Variants in GRM7 observed in about 807,000 individuals in gnomAD.
The protein encoded by GRM7 is metabotropic glutamate receptor 7.
A neutral mutation model predicts 84.5 loss-of-function variants in GRM7; 35 were observed. The ratio of observed to expected loss-of-function variants is 0.41; its 90% CI spans 0.32 to 0.55. The LOEUF (loss-of-function observed/expected upper bound fraction) is 0.55. GRM7 is among the 20% of genes least tolerant of loss of function. The pLI, the probability that GRM7 is intolerant of heterozygous loss-of-function variation, is 0.19. For synonymous variants in GRM7, 487 were observed against 455.1 expected, an observed-to-expected ratio of 1.07 and a Z score of -0.89; for missense variants, 1,003 against 1,194.6, an observed-to-expected ratio of 0.84 and a Z score of 2.36.
At chr3:7,170,829 C>A (rs538166434) in intron 2 of GRM7, among the ~76,000 whole-genome samples, 2 of 152,152 alleles carry the variant, frequency 1.3e-5, no homozygotes, top group Non-Finnish European at 2.9e-5. Flanking sequence ...CTACATGATT[C>A]TGTATGACCT....
chr3:7,283,075 A>C (rs552221600), intron 2 of GRM7, among the ~76,000 whole-genome samples: 1 of 152,028 alleles, frequency 6.6e-6, no homozygotes, highest in Non-Finnish European at 1.5e-5. Flanking sequence ...TCTTGAGTCT[A>C]CTGCTTGCTA....
intron 1 of GRM7, among the ~76,000 whole-genome samples, chr3:6,875,909 T>C (rs1446016643): frequency 6.6e-6 from 1 of 152,166 alleles, no homozygotes; most frequent in Non-Finnish European, 1.5e-5. Context: ...TAAAAGGGTT[T>C]AATCTCAATT....
intron 1 of GRM7, among the ~76,000 whole-genome samples, chr3:6,923,441 T>C (rs550796837): frequency 6.6e-6 from 1 of 152,350 alleles, no homozygotes; most frequent in East Asian, 1.9e-4. Context: ...ATTTGATTTA[T>C]GCATAAACTC....
chr3:6,895,367 C>A (rs1468005102), intron 1 of GRM7, among the ~76,000 whole-genome samples: 1 of 152,134 alleles, frequency 6.6e-6, no homozygotes, highest in African/African-American at 2.4e-5. Flanking sequence ...GAACAGGGAA[C>A]AAACAATACG....
intron 9 of GRM7, among the ~76,000 whole-genome samples, chr3:7,717,259 C>G (rs1701797148): frequency 6.6e-6 from 1 of 151,856 alleles, no homozygotes; most frequent in African/African-American, 2.4e-5. Flanking sequence ...AAAAGACTTC[C>G]AAAACTTACT....
At chr3:7,607,899 G>C (rs1444434148) in intron 8 of GRM7, 1 of 166,170 alleles carries the variant, frequency 6.0e-6, no homozygotes, top group East Asian at 1.8e-4. Context: ...CCTCCCCCAA[G>C]TAGGCCCCAG....
At chr3:7,601,472 A>T (rs1696310217) in intron 8 of GRM7, among the ~76,000 whole-genome samples, 1 of 152,188 alleles carries the variant, frequency 6.6e-6, no homozygotes, top group Non-Finnish European at 1.5e-5. Flanking sequence ...ATAAATGAAA[A>T]AAACTCCACA....
chr3:7,015,139 C>T (rs1334621808), intron 1 of GRM7, among the ~76,000 whole-genome samples: 1 of 152,010 alleles, frequency 6.6e-6, no homozygotes, highest in Non-Finnish European at 1.5e-5. Flanking sequence ...CACCCCACCC[C>T]CCCATAAGCC....
chr3:7,186,390 G>A (rs1695515634), intron 2 of GRM7, among the ~76,000 whole-genome samples: 1 of 152,110 alleles, frequency 6.6e-6, no homozygotes, highest in South Asian at 2.1e-4. Flanking sequence ...ATTAAAAAAT[G>A]TTACAAATAA....
chr3:7,343,629 A>G (rs1287945252), intron 4 of GRM7, among the ~76,000 whole-genome samples: 1 of 152,202 alleles, frequency 6.6e-6, no homozygotes, highest in Non-Finnish European at 1.5e-5. Context: ...AACACTTGTC[A>G]TAGTGAAGAA....
chr3:6,913,010 A>G (rs1404592857), intron 1 of GRM7, among the ~76,000 whole-genome samples: 1 of 152,148 alleles, frequency 6.6e-6, no homozygotes, highest in African/African-American at 2.4e-5. Flanking sequence ...CCTCCACTGA[A>G]TATTCAACAT....
In GRM7 at chr3:7,722,738, G is replaced by A. The variant is rs558519564; in HGVS notation, c.2699-17619G>A. Reference sequence around the variant, plus strand: ...ATTACAGGTGTGAGCCACCACGCCCGGCCCCTTGTGTTTTTCCCACTGCTC... The same window carrying A: ...ATTACAGGTGTGAGCCACCACGCCCAGCCCCTTGTGTTTTTCCCACTGCTC... On this transcript the variant is annotated intron_variant, in intron 9 of 9. Transcript: ENST00000357716. Among the ~76,000 whole-genome samples the A allele has an allele frequency of 5.9e-5, 9 of 152,116 alleles. No homozygotes were observed. In the South Asian group the frequency reaches 8.3e-4, roughly 14 times the overall value.
At chr3:6,950,124 A>G (rs1416788223) in intron 1 of GRM7, among the ~76,000 whole-genome samples, 1 of 151,964 alleles carries the variant, frequency 6.6e-6, no homozygotes, top group Admixed American at 6.6e-5. Flanking sequence ...GGAGGAGGAG[A>G]GGCACTCTGA....
Position 7,408,709 on chromosome 3 carries a change from C to T in GRM7, c.1034-6314C>T, listed in dbSNP as rs75601348. On this transcript the variant is annotated intron_variant, in intron 4 of 9. Transcript: ENST00000357716. ...TAACACTGCGCAAATGCTAGCGGGG[C>T]TACCTGCGGAACATGTCCTGAGAGC... Among the ~76,000 whole-genome samples, 446 of 152,318 alleles carry T rather than the reference C, an allele frequency of 2.9e-3. 3 individuals are homozygous for T. The highest frequency in any genetic ancestry group is 0.01 in the African/African-American group (424 of 41,582).
At chr3:7,577,817 GATTCAC>G (rs1695037973) in intron 7 of GRM7, among the ~76,000 whole-genome samples, 1 of 152,184 alleles carries the variant, frequency 6.6e-6, no homozygotes. Flanking sequence ...TGTGATAGTA[GATTCAC>G]ATTGCTGCAA....
At chr3:7,467,168 A>T (rs764152667) in intron 7 of GRM7, among the ~76,000 whole-genome samples, 2 of 151,936 alleles carry the variant, frequency 1.3e-5, no homozygotes, top group Non-Finnish European at 2.9e-5. Context: ...GCTCACTGCA[A>T]CCTCCGCCTC....
rs1559292224 is a variant in GRM7, at chr3:6,863,925, G to GGACT, written c.519+2019_519+2020insACTG. Among the ~76,000 whole-genome samples the GGACT allele has an allele frequency of 6.6e-6, 1 of 151,924 alleles. No homozygotes were observed. The highest frequency in any genetic ancestry group is 2.4e-5 in the African/African-American group (1 of 41,346). Reference sequence around the variant, plus strand: ...AGAAAGGGGTTACAGACTAGGCTGAGGGACTGTGTTTGCTGAAAAATATTC... The same window carrying GGACT: ...AGAAAGGGGTTACAGACTAGGCTGAGGACTGGACTGTGTTTGCTGAAAAATATTC... On this transcript the variant is annotated intron_variant, in intron 1 of 9. Coordinates refer to ENST00000357716, the MANE Select transcript of GRM7 (RefSeq NM_000844.4). The surrounding 1 kb of genome is among the most constrained non-coding windows in gnomAD (Gnocchi z 4.8).
intron 2 of GRM7, among the ~76,000 whole-genome samples, chr3:7,176,229 TAAAA>T (rs55732650): frequency 2.9e-3 from 183 of 63,144 alleles, no homozygotes; most frequent in African/African-American, 0.011. Context: ...CTATAAAAAG[TAAAA>T]AAAAAAAAAA....
chr3:7,474,596 A>T (rs1260456485), intron 7 of GRM7, among the ~76,000 whole-genome samples: 1 of 152,188 alleles, frequency 6.6e-6, no homozygotes, highest in Non-Finnish European at 1.5e-5. Context: ...ACAGCTGTAC[A>T]GCTAACTTCC....
Sources: gnomAD v4.1 joint callset for allele counts (sites outside exome capture counted in the v4.1 genomes callset) on GRCh38, gnomAD v4.1.1 for gene constraint, Gnocchi (gnomAD v3.1) non-coding constraint, MANE v1.5 for transcripts, NCBI Gene and HGNC (gene_info 2026-07-23, HGNC 2026-07-21) for gene names.